Variants in UNC13C observed in about 807,000 individuals in gnomAD.
UNC13C encodes protein unc-13 homolog C.
In UNC13C, 174 loss-of-function variants were observed where a neutral mutation model predicts 245.4. The ratio of observed to expected loss-of-function variants is 0.71; its 90% CI spans 0.63 to 0.80. The LOEUF is 0.80. Ranked by LOEUF, UNC13C falls within the 30% of genes least tolerant of loss-of-function variation. The pLI is 0.00. For missense variants in UNC13C, 2,829 were observed against 2,602.9 expected (o/e 1.09, Z -1.89); for synonymous variants, 992 against 895.1 (o/e 1.11, Z -1.93).
intron 14 of UNC13C, among the ~76,000 whole-genome samples, chr15:54,328,579 G>GAGAA (rs548471238): frequency 6.6e-6 from 1 of 152,018 alleles, no homozygotes; most frequent in Admixed American, 6.6e-5. Flanking sequence ...GCCAGACTTT[G>GAGAA]AGAAAGAAAG....
intron 24 of UNC13C, chr15:54,512,403 C>T (rs1358002509): frequency 4.4e-6 from 2 of 455,736 alleles, no homozygotes; most frequent in Admixed American, 4.7e-5. Context: ...CATCTTATCC[C>T]TTACCTGGCT....
intron 2 of UNC13C, among the ~76,000 whole-genome samples, chr15:54,028,303 C>T (rs187047212): frequency 1.3e-5 from 2 of 152,250 alleles, no homozygotes; most frequent in Admixed American, 1.3e-4. Flanking sequence ...TAAGGCCGGG[C>T]AACTTTGCCT....
intron 17 of UNC13C, among the ~76,000 whole-genome samples, chr15:54,383,612 G>C (rs528884634): frequency 4.6e-5 from 7 of 152,152 alleles, no homozygotes; most frequent in African/African-American, 1.7e-4. Flanking sequence ...GAAACAAATG[G>C]TGAAAAATGC....
intron 4 of UNC13C, among the ~76,000 whole-genome samples, chr15:54,233,443 A>G (rs1057171051): frequency 6.6e-6 from 1 of 152,098 alleles, no homozygotes; most frequent in Non-Finnish European, 1.5e-5. Flanking sequence ...TTTCTTACAC[A>G]TTTGCAATGG....
At chr15:54,381,252 A>T (rs919491492) in intron 17 of UNC13C, among the ~76,000 whole-genome samples, 3 of 152,104 alleles carry the variant, frequency 2.0e-5, no homozygotes, top group Non-Finnish European at 4.4e-5. Flanking sequence ...CATATTTTTG[A>T]AAATCAGGTG....
At chr15:54,155,814 T>C (rs2032720451) in intron 4 of UNC13C, among the ~76,000 whole-genome samples, 1 of 152,170 alleles carries the variant, frequency 6.6e-6, no homozygotes, top group African/African-American at 2.4e-5. Context: ...GCTTAAATGT[T>C]TGGATTCAAT....
intron 2 of UNC13C, among the ~76,000 whole-genome samples, chr15:54,113,133 A>G (rs2029940993): frequency 6.6e-6 from 1 of 151,872 alleles, no homozygotes; most frequent in Admixed American, 6.6e-5. Flanking sequence ...CCTACATCTT[A>G]CCCCTTAAAT....
At chr15:54,430,370 A>G (rs962037396) in intron 19 of UNC13C, among the ~76,000 whole-genome samples, 2 of 151,754 alleles carry the variant, frequency 1.3e-5, no homozygotes, top group African/African-American at 4.8e-5. Flanking sequence ...ATTTGTGGTC[A>G]GTTGTAAAAG....
chr15:54,175,585 T>G (rs2033583095), intron 4 of UNC13C, among the ~76,000 whole-genome samples: 2 of 146,128 alleles, frequency 1.4e-5, no homozygotes, highest in Admixed American at 1.4e-4. Context: ...CGATCTCGGC[T>G]CACTGCAAGC....
chr15:54,032,324 A>G (rs2141019591), intron 2 of UNC13C, among the ~76,000 whole-genome samples: 1 of 152,204 alleles, frequency 6.6e-6, no homozygotes, highest in East Asian at 1.9e-4. Flanking sequence ...ATAGGAAAAC[A>G]CTCCTTTGAT....
At chr15:54,307,846 G>T (rs765983241) in intron 13 of UNC13C, among the ~76,000 whole-genome samples, 3 of 151,906 alleles carry the variant, frequency 2.0e-5, no homozygotes. Context: ...AAACAGAAGT[G>T]ACATTTAAGT....
rs1199889984 is a variant in UNC13C, at chr15:54,014,678, A to C, written c.1775A>C (p.Glu592Ala). Residue 592 changes from glutamate to alanine, a missense_variant, in exon 2 of 33, where the codon GAA becomes GCA. Transcript: ENST00000260323. ...CGGGAGCTATGGCAGAGGAAACAGGAAGGAACAGCGACCCTGTATGACAGT... is the reference window on the plus strand; with the variant it reads ...CGGGAGCTATGGCAGAGGAAACAGGCAGGAACAGCGACCCTGTATGACAGT... ...SDRELWQRKQ[E>A]GTATLYDSPK... 6.2e-7 allele frequency: 1 copy of C among 1,613,766 alleles called. No individual in the cohort carries two copies. Among genetic ancestry groups the C allele is most frequent in the Non-Finnish European group, 8.5e-7 (1 of 1,179,844 alleles).
chr15:54,287,100 T>A (rs1282493922), intron 10 of UNC13C, among the ~76,000 whole-genome samples: 1 of 152,190 alleles, frequency 6.6e-6, no homozygotes, highest in East Asian at 1.9e-4. Context: ...TGGTAAACCC[T>A]AAACCCGGGG....
intron 1 of UNC13C, among the ~76,000 whole-genome samples, chr15:54,007,986 A>G (rs536647429): frequency 6.6e-6 from 1 of 152,316 alleles, no homozygotes; most frequent in Non-Finnish European, 1.5e-5. Context: ...TTAGTACTTT[A>G]CTGCCTTTAA....
rs1567121428 is a variant in UNC13C, at chr15:54,234,145, A to T, written c.3072-885A>T. ...TCTCTCACCCATTTTCACTCCACAG[A>T]GGTAACTACAGTTATCAATTTCATA... On this transcript the variant is annotated intron_variant, in intron 4 of 32. Coordinates refer to ENST00000260323, the MANE Select transcript of UNC13C (RefSeq NM_001080534.3). 5.9e-5 allele frequency among the ~76,000 whole-genome samples: 9 copies of T among 152,182 alleles called. No individual in the cohort carries two copies. The South Asian group carries it at 1.9e-3, about 32-fold the overall frequency.
chr15:54,338,556 G>T, intron 17 of UNC13C, 67 bp downstream of exon 17: 1 of 1,542,542 alleles, frequency 6.5e-7, no homozygotes, highest in Non-Finnish European at 8.9e-7. Context: ...CATAAGTTTA[G>T]CATAATAGTA....
chr15:54,417,241 A>G (rs921436395), intron 19 of UNC13C, among the ~76,000 whole-genome samples: 2 of 152,156 alleles, frequency 1.3e-5, no homozygotes, highest in Admixed American at 1.3e-4. Flanking sequence ...TAAATTGCCA[A>G]CTTTACCAGG....
At chr15:54,291,197 G>A (rs1452754549) in intron 10 of UNC13C, among the ~76,000 whole-genome samples, 2 of 151,918 alleles carry the variant, frequency 1.3e-5, no homozygotes, top group Non-Finnish European at 2.9e-5. Flanking sequence ...TCAGGTGTGG[G>A]TTCATAGTTA....
intron 13 of UNC13C, 127 bp downstream of exon 13, chr15:54,300,500 T>C: frequency 2.1e-6 from 2 of 942,188 alleles, no homozygotes; most frequent in South Asian, 1.9e-5. Flanking sequence ...ACTGTGCATG[T>C]TTGATGCTGA....
Sources: gnomAD v4.1 joint callset for allele counts (sites outside exome capture counted in the v4.1 genomes callset) on GRCh38, gnomAD v4.1.1 for gene constraint, MANE v1.5 for transcripts, NCBI Gene and HGNC (gene_info 2026-07-23, HGNC 2026-07-21) for gene names.